POFUT3: variants seen among roughly 807,000 people sequenced by gnomAD.
The protein encoded by POFUT3 is GDP-fucose protein O-fucosyltransferase 3.
chr8:33,366,314 G>C, the POFUT3 span, among the ~76,000 whole-genome samples: 1 of 152,100 alleles, frequency 6.6e-6, no homozygotes, highest in Non-Finnish European at 1.5e-5. Context: ...TAAATGATGA[G>C]TTGATGCGTG....
the POFUT3 span, among the ~76,000 whole-genome samples, chr8:33,449,680 G>A: frequency 1.3e-5 from 2 of 152,056 alleles, no homozygotes; most frequent in Non-Finnish European, 2.9e-5. Context: ...AGCCAACATT[G>A]AAGGTTCTCC....
the POFUT3 span, among the ~76,000 whole-genome samples, chr8:33,319,291 A>ATATAATATATAAATATATTTTATATATT: frequency 7.9e-3 from 6 of 756 alleles, no homozygotes; most frequent in Non-Finnish European, 0.011. Flanking sequence ...TTTTATATAT[A>ATATAATATATAAATATATTTTATATATT]TGTTTATATA....
At chr8:33,436,857 C>T in the POFUT3 span, among the ~76,000 whole-genome samples, 1 of 152,110 alleles carries the variant, frequency 6.6e-6, no homozygotes, top group Admixed American at 6.5e-5. Flanking sequence ...TGAATGATCT[C>T]GTTATCCAGG....
the POFUT3 span, among the ~76,000 whole-genome samples, chr8:33,362,951 A>T: frequency 6.6e-6 from 1 of 152,202 alleles, no homozygotes; most frequent in Non-Finnish European, 1.5e-5. Flanking sequence ...TCTCCACCCC[A>T]AATCAACAGA....
At chr8:33,403,263 GGTGTGTGC>G in the POFUT3 span, among the ~76,000 whole-genome samples, 2 of 137,320 alleles carry the variant, frequency 1.5e-5, no homozygotes, top group Admixed American at 1.4e-4. Flanking sequence ...ATGTTTGTAT[GGTGTGTGC>G]GTGTGTGTGT....
the POFUT3 span, among the ~76,000 whole-genome samples, chr8:33,327,806 C>T: frequency 2.6e-5 from 4 of 152,100 alleles, no homozygotes; most frequent in East Asian, 1.9e-4. Context: ...CAGTGTGTAC[C>T]GTGACTAATT....
the POFUT3 span, among the ~76,000 whole-genome samples, chr8:33,318,497 TTATAA>T: frequency 0.044 from 5,059 of 116,222 alleles, 528 homozygotes; most frequent in African/African-American, 0.12. Flanking sequence ...TGTACATATA[TTATAA>T]TATAATATAT....
the POFUT3 span, chr8:33,452,505 T>C: frequency 6.6e-6 from 1 of 152,246 alleles, no homozygotes; most frequent in East Asian, 1.9e-4. Context: ...AATTACTAAG[T>C]ATGAATTCAC....
chr8:33,366,027 C>A, the POFUT3 span, among the ~76,000 whole-genome samples: 1 of 152,180 alleles, frequency 6.6e-6, no homozygotes, highest in Admixed American at 6.5e-5. Flanking sequence ...CAATGATAGA[C>A]TGGATTAAGA....
chr8:33,459,537 G>A, the POFUT3 span, among the ~76,000 whole-genome samples: 3 of 151,828 alleles, frequency 2.0e-5, no homozygotes, highest in Non-Finnish European at 4.4e-5. Flanking sequence ...AGCTACTCAG[G>A]AGGCTGCGTT....
chr8:33,371,284 G>A, the POFUT3 span: 1 of 152,212 alleles, frequency 6.6e-6, no homozygotes, highest in Non-Finnish European at 1.5e-5. Context: ...AGGAGGTATT[G>A]GTTTTGGTTC....
chr8:33,376,384 C>T, the POFUT3 span, among the ~76,000 whole-genome samples: 1 of 152,130 alleles, frequency 6.6e-6, no homozygotes, highest in Non-Finnish European at 1.5e-5. Flanking sequence ...TTCTTTAAAA[C>T]TCCCATAGGA....
chr8:33,333,007 C>T, the POFUT3 span, among the ~76,000 whole-genome samples: 1 of 152,176 alleles, frequency 6.6e-6, no homozygotes, highest in East Asian at 1.9e-4. Flanking sequence ...AGAATTTCAG[C>T]CAGAGTCATA....
chr8:33,320,128 T>G, the POFUT3 span, among the ~76,000 whole-genome samples: 1 of 151,982 alleles, frequency 6.6e-6, no homozygotes, highest in Admixed American at 6.6e-5. Context: ...TATGAGATCT[T>G]ATAAATGATT....
the POFUT3 span, chr8:33,455,784 C>T: frequency 4.2e-5 from 19 of 455,896 alleles, no homozygotes; most frequent in South Asian, 9.3e-5. Context: ...TTTATGTGCT[C>T]GCTGCTCCTG....
the POFUT3 span, among the ~76,000 whole-genome samples, chr8:33,360,005 C>CA: frequency 3.3e-5 from 5 of 151,116 alleles, no homozygotes; most frequent in East Asian, 3.9e-4. Context: ...GACTCCATCT[C>CA]AAAAAAAACC....
the POFUT3 span, chr8:33,460,653 G>T: frequency 1.2e-6 from 1 of 847,724 alleles, no homozygotes; most frequent in Non-Finnish European, 1.4e-6. Context: ...CAGGAAGACA[G>T]ACTGAGCTTT....
At chr8:33,418,280 C>T in the POFUT3 span, among the ~76,000 whole-genome samples, 4 of 152,178 alleles carry the variant, frequency 2.6e-5, no homozygotes, top group Admixed American at 6.5e-5. Context: ...CCTCCACGCA[C>T]TTTCACCCAA....
At chr8:33,363,459 C>CA in the POFUT3 span, among the ~76,000 whole-genome samples, 4 of 151,930 alleles carry the variant, frequency 2.6e-5, no homozygotes, top group Admixed American at 6.6e-5. Flanking sequence ...AAAAACCCTT[C>CA]AAAAAATCAA....
Sources: allele counts gnomAD v4.1 joint callset (sites outside exome capture counted in the v4.1 genomes callset), GRCh38; gene constraint gnomAD v4.1.1; transcripts MANE v1.5; gene names NCBI Gene and HGNC (gene_info 2026-07-23, HGNC 2026-07-21).